The following ARL15 variants were observed in gnomAD, a reference collection of about 807,000 sequenced individuals.
The protein encoded by ARL15 is ADP-ribosylation factor-like protein 15.
A neutral mutation model predicts 25.2 loss-of-function variants in ARL15; 19 were observed. That is an observed-to-expected ratio of 0.75 (90% CI 0.53 to 1.10). The LOEUF (loss-of-function observed/expected upper bound fraction) is 1.10. Among genes scored for constraint, ARL15 ranks in the 50% least tolerant of loss-of-function variants. The pLI is 0.00. For missense variants in ARL15, 220 were observed against 246.0 expected (o/e 0.89, Z 0.71); for synonymous variants, 94 against 86.8 (o/e 1.08, Z -0.46).
chr5:54,041,927 T>C (rs1480377100), intron 4 of ARL15, among the ~76,000 whole-genome samples: 1 of 151,982 alleles, frequency 6.6e-6, no homozygotes, highest in Non-Finnish European at 1.5e-5. Flanking sequence ...TTATTCTAGT[T>C]GGGAATGAAA....
intron 1 of ARL15, among the ~76,000 whole-genome samples, chr5:54,220,890 A>C (rs1228949532): frequency 6.6e-6 from 1 of 152,064 alleles, no homozygotes; most frequent in Non-Finnish European, 1.5e-5. Flanking sequence ...ACTAAGATAG[A>C]TAAGTCCTAA....
intron 1 of ARL15, among the ~76,000 whole-genome samples, chr5:54,306,791 A>G (rs1337878635): frequency 6.6e-6 from 1 of 152,244 alleles, no homozygotes; most frequent in Admixed American, 6.5e-5. Context: ...TACACAGAGT[A>G]CAACCAATTC....
intron 4 of ARL15, among the ~76,000 whole-genome samples, chr5:53,916,818 G>A (rs908559426): frequency 6.6e-6 from 1 of 152,120 alleles, no homozygotes; most frequent in African/African-American, 2.4e-5. Context: ...GACCTGACAG[G>A]TCATGTAGGA....
chr5:53,965,182 T>C (rs923864772), intron 4 of ARL15, among the ~76,000 whole-genome samples: 4 of 152,216 alleles, frequency 2.6e-5, no homozygotes, highest in African/African-American at 7.2e-5. Flanking sequence ...AAGCATTCTT[T>C]CTTCCGGACC....
chr5:54,097,433 T>C (rs1752322730), intron 4 of ARL15, among the ~76,000 whole-genome samples: 1 of 152,226 alleles, frequency 6.6e-6, no homozygotes, highest in African/African-American at 2.4e-5. Flanking sequence ...CTCTCTATCT[T>C]AACTAAAATC....
At chr5:54,102,342 G>A (rs567407895) in intron 4 of ARL15, among the ~76,000 whole-genome samples, 1 of 152,128 alleles carries the variant, frequency 6.6e-6, no homozygotes, top group Admixed American at 6.6e-5. Context: ...GAAACTATAT[G>A]AAAACTGAGT....
At chr5:53,997,711 C>T (rs1748726713) in intron 4 of ARL15, among the ~76,000 whole-genome samples, 1 of 152,028 alleles carries the variant, frequency 6.6e-6, no homozygotes, top group African/African-American at 2.4e-5. Flanking sequence ...ATGGTCCTCA[C>T]CTCCAATTTA....
In ARL15 at chr5:53,988,409, T is replaced by C. The variant is rs368131566; in HGVS notation, c.463-101696A>G. ...TGGACAATAGCCCCCACTTAAGTTATTGGAAGAATCAGGTGAGTTGAGTTA... is the reference window on the plus strand; with the variant it reads ...TGGACAATAGCCCCCACTTAAGTTACTGGAAGAATCAGGTGAGTTGAGTTA... On this transcript the variant is annotated intron_variant, in intron 4 of 4. Coordinates refer to ENST00000504924, the MANE Select transcript of ARL15 (RefSeq NM_019087.3). Among the ~76,000 whole-genome samples, 8 of 152,192 alleles carry C rather than the reference T, an allele frequency of 5.3e-5. No individual in the cohort carries two copies. In the South Asian group the frequency reaches 1.7e-3, roughly 32 times the overall value.
In ARL15 at chr5:54,023,729, TTATC is replaced by T. The variant is rs750780630; in HGVS notation, c.462+89469_462+89472del. 7.6e-4 allele frequency among the ~76,000 whole-genome samples: 115 copies of T among 152,302 alleles called. 1 individual carries two copies. The highest frequency in any genetic ancestry group is 2.8e-4 in the Non-Finnish European group (19 of 68,028). On this transcript the variant is annotated intron_variant, in intron 4 of 4. Transcript: ENST00000504924. ...GATGAAGTTATTCTCTGAAGTTCCC[TTATC>T]TGCTGAGAGTCTGGACTTGCCAAAG...
chr5:54,165,740 A>ATATATATG (rs1468859718), intron 2 of ARL15, among the ~76,000 whole-genome samples: 2 of 149,482 alleles, frequency 1.3e-5, no homozygotes, highest in African/African-American at 4.9e-5. Context: ...ACCTTTGTTT[A>ATATATATG]TATATATATA....
chr5:54,119,689 G>A (rs1753014676), intron 3 of ARL15, among the ~76,000 whole-genome samples: 2 of 152,092 alleles, frequency 1.3e-5, no homozygotes, highest in Admixed American at 1.3e-4. Flanking sequence ...CTCCACAAAT[G>A]AGCAAAACGT....
intron 1 of ARL15, among the ~76,000 whole-genome samples, chr5:54,242,620 A>T (rs983301011): frequency 6.6e-6 from 1 of 152,180 alleles, no homozygotes; most frequent in Non-Finnish European, 1.5e-5. Context: ...CCAGAATGCA[A>T]ACGCAGAGCT....
chr5:54,210,945 C>G (rs972133107), intron 1 of ARL15, among the ~76,000 whole-genome samples: 1 of 152,124 alleles, frequency 6.6e-6, no homozygotes, highest in African/African-American at 2.4e-5. Flanking sequence ...GCAAAACCAG[C>G]ACAATTACTA....
chr5:54,196,811 A>C (rs961829566), intron 1 of ARL15, among the ~76,000 whole-genome samples: 3 of 152,184 alleles, frequency 2.0e-5, no homozygotes, highest in Non-Finnish European at 4.4e-5. Flanking sequence ...AAACTGAAAT[A>C]GAATTCTAAA....
chr5:54,080,489 C>T (rs904302246), intron 4 of ARL15, among the ~76,000 whole-genome samples: 2 of 151,990 alleles, frequency 1.3e-5, no homozygotes, highest in Non-Finnish European at 2.9e-5. Context: ...ATCATTTTTG[C>T]TTGTATCATG....
intron 4 of ARL15, among the ~76,000 whole-genome samples, chr5:53,999,568 G>T (rs1173918575): frequency 1.3e-5 from 2 of 151,952 alleles, no homozygotes; most frequent in Non-Finnish European, 2.9e-5. Context: ...TCCAACTTGT[G>T]CAACAAGAGT....
intron 4 of ARL15, among the ~76,000 whole-genome samples, chr5:53,966,936 C>A (rs1277828340): frequency 2.0e-5 from 3 of 152,088 alleles, no homozygotes; most frequent in Non-Finnish European, 4.4e-5. Flanking sequence ...TGGAAAGATC[C>A]TATACATCTA....
chr5:53,929,068 T>C (rs1358092654), intron 4 of ARL15, among the ~76,000 whole-genome samples: 1 of 151,930 alleles, frequency 6.6e-6, no homozygotes, highest in Non-Finnish European at 1.5e-5. Flanking sequence ...AGATAATCCT[T>C]AAAGTTTTTA....
At chr5:54,259,541 G>C (rs965061436) in intron 1 of ARL15, among the ~76,000 whole-genome samples, 3 of 152,180 alleles carry the variant, frequency 2.0e-5, no homozygotes, top group Non-Finnish European at 4.4e-5. Flanking sequence ...AAACAGGTTA[G>C]AGATGAGTGG....
Sources: allele counts gnomAD v4.1 joint callset (sites outside exome capture counted in the v4.1 genomes callset), GRCh38; gene constraint gnomAD v4.1.1; transcripts MANE v1.5; gene names NCBI Gene and HGNC (gene_info 2026-07-23, HGNC 2026-07-21).